Variants in SLC4A4 observed in about 807,000 individuals in gnomAD.
SLC4A4 encodes the protein solute carrier family 4 member 4.
SLC4A4 carries 27 observed loss-of-function variants against 111.5 expected under a neutral mutation model. The ratio of observed to expected loss-of-function variants is 0.24; its 90% CI spans 0.18 to 0.33. The LOEUF is 0.33. Ranked by LOEUF, SLC4A4 falls within the 10% of genes least tolerant of loss-of-function variation. The pLI is 1.00. For synonymous variants in SLC4A4, 443 were observed against 463.4 expected (o/e 0.96, Z 0.57); for missense variants, 909 against 1,315.5 (o/e 0.69, Z 4.78).
intron 7 of SLC4A4, among the ~76,000 whole-genome samples, chr4:71,420,835 G>A (rs1322290928): frequency 1.3e-5 from 2 of 148,752 alleles, no homozygotes; most frequent in African/African-American, 2.5e-5. Context: ...CCTGAAGGAA[G>A]CACTAAACAT....
chr4:71,469,062 G>C (rs1343081121), intron 13 of SLC4A4, among the ~76,000 whole-genome samples: 1 of 151,944 alleles, frequency 6.6e-6, no homozygotes, highest in Non-Finnish European at 1.5e-5. Context: ...ATCAGTAATA[G>C]AAGGAAGAAA....
chr4:71,460,303 G>A (rs947550345), intron 12 of SLC4A4, among the ~76,000 whole-genome samples: 1 of 151,902 alleles, frequency 6.6e-6, no homozygotes, highest in African/African-American at 2.4e-5. Flanking sequence ...TTATCCATCT[G>A]GAATTGGTTT....
intron 3 of SLC4A4, among the ~76,000 whole-genome samples, chr4:71,285,118 A>G (rs1379977974): frequency 2.0e-5 from 3 of 152,190 alleles, no homozygotes; most frequent in Non-Finnish European, 4.4e-5. Flanking sequence ...TTCAGATGCC[A>G]TTATGTGCTC....
chr4:71,391,931 A>G lies in SLC4A4; in HGVS notation c.731-5646A>G, dbSNP rs368721927. Among the ~76,000 whole-genome samples the G allele has an allele frequency of 3.3e-5, 5 of 152,192 alleles. No individual in the cohort carries two copies. The South Asian group carries it at 6.2e-4, about 19-fold the overall frequency. On this transcript the variant is annotated intron_variant, in intron 6 of 25. Coordinates refer to ENST00000264485, the MANE Select transcript of SLC4A4 (RefSeq NM_001098484.3). The stretch of plus-strand genomic sequence containing the variant: ...TTGGTGCAAGGTGACATTTTTCTCT[A>G]GCATCCTTACTTGCTCAGGATTGCA...
In SLC4A4 at chr4:71,443,902, T is replaced by C. The variant is rs555176038; in HGVS notation, c.965+3129T>C. On this transcript the variant is annotated intron_variant, in intron 8 of 25. Transcript: ENST00000264485. ...ATCCTGCTAGTTCAATTTTGTCACA[T>C]CCACCAGTTTAATTGCTAGCTGCTA... 3.9e-5 allele frequency among the ~76,000 whole-genome samples: 6 copies of C among 152,324 alleles called. No homozygotes were observed. The East Asian group carries it at 1.2e-3, about 29-fold the overall frequency.
rs779324607 is a variant in SLC4A4, at chr4:71,280,925, A to C, written c.253+25526A>C. On this transcript the variant is annotated intron_variant, in intron 3 of 25. Transcript: ENST00000264485. ...TCTATATGAAAGTGCACAAGTAATA[A>C]GTTCTCATAAAGTTATTATGTTGCC... Among the ~76,000 whole-genome samples, 108 of 152,220 alleles carry C rather than the reference A, an allele frequency of 7.1e-4. 1 individual carries two copies. Among genetic ancestry groups the C allele is most frequent in the Non-Finnish European group, 1.4e-3 (93 of 68,042 alleles).
chr4:71,150,480 T>C (rs1173773979), intron 2 of SLC4A4, among the ~76,000 whole-genome samples: 2 of 152,066 alleles, frequency 1.3e-5, no homozygotes, highest in African/African-American at 4.8e-5. Context: ...AGCCAGTAAA[T>C]ACAGAGCCTT....
chr4:71,487,256 G>A (rs1180269371), intron 15 of SLC4A4, among the ~76,000 whole-genome samples: 1 of 151,178 alleles, frequency 6.6e-6, no homozygotes, highest in African/African-American at 2.4e-5. Context: ...TCTATAACAT[G>A]CTTTTTAAAA....
intron 3 of SLC4A4, among the ~76,000 whole-genome samples, chr4:71,256,499 T>G (rs1483102841): frequency 1.3e-5 from 2 of 152,120 alleles, no homozygotes; most frequent in Admixed American, 1.3e-4. Flanking sequence ...AGGTGGACCA[T>G]CGAATTAAAG....
At chr4:71,242,876 C>T (rs12506660) in intron 2 of SLC4A4, among the ~76,000 whole-genome samples, 104,155 of 151,982 alleles carry the variant, frequency 0.69, 39,692 homozygotes, top group Non-Finnish European at 0.86. Flanking sequence ...CCTAACCATA[C>T]TTACCTACTG....
At chr4:71,531,754 TACACACACACACACACACACACACACAC>T (rs56164928) in intron 16 of SLC4A4, among the ~76,000 whole-genome samples, 3 of 128,150 alleles carry the variant, frequency 2.3e-5, no homozygotes, top group Admixed American at 7.9e-5. Flanking sequence ...CCTCCCTGCC[TACACACACACACACACACACACACACAC>T]ACACACACAC....
intron 7 of SLC4A4, among the ~76,000 whole-genome samples, chr4:71,420,504 C>T (rs1440436150): frequency 2.0e-5 from 3 of 151,746 alleles, no homozygotes; most frequent in East Asian, 1.9e-4. Flanking sequence ...AGATACTCCT[C>T]GAGAAGAGCA....
chr4:71,137,202 C>A (rs1001066896), intron 2 of SLC4A4, among the ~76,000 whole-genome samples: 9 of 152,142 alleles, frequency 5.9e-5, no homozygotes, highest in Admixed American at 3.3e-4. Context: ...CCGCTGACTC[C>A]ACTCTGACTC....
chr4:71,487,015 C>T lies in SLC4A4; in HGVS notation c.1971C>T (p.Asp657=). The T allele has an allele frequency of 6.3e-7, 1 of 1,579,440 alleles. No homozygotes were observed. Among genetic ancestry groups the T allele is most frequent in the Non-Finnish European group, 8.7e-7 (1 of 1,150,286 alleles). ...PEYLPTMSST[D]MYHNTTFDWA... ...ATTTGCCAACTATGTCTTCTACTGA[C>T]ATGGTAAGTGACTTACTATTTTAAA... The change falls in exon 15 of 26, where the codon GAC becomes GAT. Residue 657 remains aspartate, a synonymous_variant. Transcript: ENST00000264485.
intron 2 of SLC4A4, among the ~76,000 whole-genome samples, chr4:71,177,311 C>A (rs1745126681): frequency 3.9e-5 from 6 of 152,182 alleles, no homozygotes. Flanking sequence ...ATGACAGGAT[C>A]AAATTCATGC....
intron 4 of SLC4A4, among the ~76,000 whole-genome samples, chr4:71,349,328 T>TCA: frequency 6.6e-6 from 1 of 152,306 alleles, no homozygotes; most frequent in African/African-American, 2.4e-5. Flanking sequence ...GAGGGGAATA[T>TCA]GCATCAGCTG....
At chr4:71,416,685 A>T (rs1490541458) in intron 7 of SLC4A4, among the ~76,000 whole-genome samples, 1 of 151,950 alleles carries the variant, frequency 6.6e-6, no homozygotes, top group African/African-American at 2.4e-5. Context: ...GATTTAAAAC[A>T]TTTTAAATTA....
intron 3 of SLC4A4, among the ~76,000 whole-genome samples, chr4:71,297,285 C>T (rs1045242617): frequency 1.3e-5 from 2 of 152,150 alleles, no homozygotes; most frequent in Admixed American, 1.3e-4. Context: ...TATGAGTTTG[C>T]GTCTCCAGGT....
chr4:71,142,895 A>G (rs964716247), intron 2 of SLC4A4, among the ~76,000 whole-genome samples: 5 of 151,632 alleles, frequency 3.3e-5, no homozygotes, highest in Non-Finnish European at 7.4e-5. Flanking sequence ...CTTTCCAAAG[A>G]ACTATTTGGC....
Sources: allele counts gnomAD v4.1 joint callset (sites outside exome capture counted in the v4.1 genomes callset), GRCh38; gene constraint gnomAD v4.1.1; transcripts MANE v1.5; gene names NCBI Gene and HGNC (gene_info 2026-07-23, HGNC 2026-07-21).